The following C10orf105 variants were observed in gnomAD, a reference collection of about 807,000 sequenced individuals.
The protein encoded by C10orf105 is uncharacterized protein C10orf105.
In C10orf105, 2 loss-of-function variants were observed where a neutral mutation model predicts 0.6. The observed-to-expected ratio is 3.18, with a 90% confidence interval of 1.30 to 10.01. C10orf105 has a LOEUF of 10.01. Among genes scored for constraint, C10orf105 ranks in the 30% most tolerant of loss-of-function variants. The probability of loss-of-function intolerance (pLI) is 0.04; values close to 1 mark genes in which losing one functional copy is unlikely to be tolerated. For synonymous variants in C10orf105, 95 were observed against 82.4 expected (o/e 1.15, Z -0.83); for missense variants, 209 against 191.4 (o/e 1.09, Z -0.54).
upstream of C10orf105, chr10:71,724,219 T>G (rs7893748): frequency 4.5e-6 from 5 of 1,103,680 alleles, no homozygotes; most frequent in Non-Finnish European, 6.7e-6. Context: ...CAGGGCCATA[T>G]ACATGGGGCG....
In C10orf105 at chr10:71,734,592, C is replaced by T. The variant is rs373444592; in HGVS notation, c.-6+3136G>A. On this transcript the variant is annotated intron_variant, in intron 1 of 1. Coordinates refer to the C10orf105 transcript ENST00000398786. ...GAGTGGGGTCTGGAAGAGCCACAGA[C>T]GGCTAACCATTTGCATCTTTGCCTT... 5.5e-4 allele frequency: 883 copies of T among 1,594,520 alleles called. 4 individuals carry two copies. Among genetic ancestry groups the T allele is most frequent in the Middle Eastern group, 3.4e-3 (20 of 5,962 alleles).
At position 71,716,289 on chromosome 10, in the gene C10orf105, G is replaced by A; in HGVS notation, c.49C>T (p.Leu17Phe). The change falls in exon 2 of 2, where the codon CTC (leucine) becomes TTC (phenylalanine). Residue 17 changes from leucine to phenylalanine, a missense_variant. Physicochemically the swap from Leu to Phe is conservative, Grantham distance 22. Coordinates refer to ENST00000441508, the MANE Select transcript of C10orf105 (RefSeq NM_001164375.3). ...GTGACGGGAGCTGAGAGAAAGGCGA[G>A]GGGGCTGATGGCTGGGGAGCTGGCG... ...SLASSPAISP[L>F]AFLSAPVTPG... 1 of 1,522,374 alleles carries A rather than the reference G, an allele frequency of 6.6e-7. No homozygotes were observed. The highest frequency in any genetic ancestry group is 8.8e-7 in the Non-Finnish European group (1 of 1,130,358). The allele number at this position is 1,522,374 out of a possible 1,614,324, so 94.3% of individuals were successfully genotyped here.
At chr10:71,727,300 CCACTGCCTCA>C (rs1319594754) in intron 1 of C10orf105, among the ~76,000 whole-genome samples, 1 of 152,246 alleles carries the variant, frequency 6.6e-6, no homozygotes, top group African/African-American at 2.4e-5. Flanking sequence ...CCACTACACT[CCACTGCCTCA>C]CATAAGCCTC....
chr10:71,731,933 C>A, intron 1 of C10orf105: 1 of 1,556,666 alleles, frequency 6.4e-7, no homozygotes, highest in Non-Finnish European at 8.7e-7. Context: ...GAAGCCACAG[C>A]GCAGCCCCAC....
upstream of C10orf105, among the ~76,000 whole-genome samples, chr10:71,721,638 A>G (rs1866561598): frequency 6.6e-6 from 1 of 152,076 alleles, no homozygotes; most frequent in Admixed American, 6.5e-5. Flanking sequence ...CCTCCCCACC[A>G]TCAACATGCT....
chr10:71,716,254 G>T lies in C10orf105; in HGVS notation c.84C>A (p.Thr28=), dbSNP rs1394373901. Residue 28 remains threonine (T), a synonymous_variant, in exon 2 of 2, where the codon ACC becomes ACA. Transcript: ENST00000441508. ...GGAGGGGGTCAGTTGCCTCTGCAAG[G>T]GTCCCGGGAGTGACGGGAGCTGAGA... ...AFLSAPVTPG[T]LAEATDPLPM... 1 of 1,546,070 alleles carries T rather than the reference G, an allele frequency of 6.5e-7. No homozygotes were observed. Among genetic ancestry groups the T allele is most frequent in the Middle Eastern group, 1.7e-4 (1 of 5,838 alleles).
chr10:71,730,392 G>A (rs1301081413), intron 1 of C10orf105: 14 of 1,549,958 alleles, frequency 9.0e-6, no homozygotes, highest in Admixed American at 3.7e-5. Flanking sequence ...CACACAAGGC[G>A]GCCACAGTGG....
intron 1 of C10orf105, among the ~76,000 whole-genome samples, chr10:71,719,282 C>T (rs11812861): frequency 0.037 from 5,695 of 152,120 alleles, 385 homozygotes; most frequent in African/African-American, 0.13. Flanking sequence ...ATGCCTTGCC[C>T]GGACCAAGGC....
At chr10:71,732,154 G>C in intron 1 of C10orf105, 1 of 1,613,970 alleles carries the variant, frequency 6.2e-7, no homozygotes, top group Non-Finnish European at 8.5e-7. Context: ...CTTCAACCAG[G>C]GCTTCTGCAG....
chr10:71,723,969 G>A (rs1866688124), upstream of C10orf105: 2 of 1,509,074 alleles, frequency 1.3e-6, no homozygotes, highest in Admixed American at 3.9e-5. Flanking sequence ...TGAAGGGAAG[G>A]AAAGGAACTC....
In C10orf105 at chr10:71,734,777, G is replaced by A. The variant is rs1564765614; in HGVS notation, c.-6+2951C>T. 4 of 596,560 alleles carry A rather than the reference G, an allele frequency of 6.7e-6. No individual in the cohort carries two copies. In the East Asian group the frequency reaches 2.1e-4, roughly 32 times the overall value. 37.0% of individuals were successfully genotyped at this position (596,560 alleles called of 1,614,324 possible). ...AGAGAGAAGGCACGTGGACAGGCCT[G>A]CAGCAGGCCCCCTCCCAGTGCCTCC... is the stretch of plus-strand genomic sequence containing the variant. On this transcript the variant is annotated intron_variant, in intron 1 of 1. Coordinates refer to the C10orf105 transcript ENST00000398786.
chr10:71,734,667 C>A, intron 1 of C10orf105: 1 of 1,432,962 alleles, frequency 7.0e-7, no homozygotes, highest in Non-Finnish European at 9.4e-7. Context: ...AGGTGAGTAG[C>A]CTGTGGCTGG....
rs555696795 is a variant in C10orf105 at position 71,712,935 on chromosome 10, C to G, written c.*3001G>C. On this transcript the variant is annotated 3_prime_UTR_variant, in exon 2 of 2. Transcript: ENST00000441508. The stretch of plus-strand genomic sequence containing the variant: ...AGCAGGTGGGGGCCCAGGGTGGGTC[C>G]GCTGCTCTGGAAGGTGCTGTGGGGA... 5.0e-6 allele frequency: 6 copies of G among 1,200,614 alleles called. No homozygotes were observed. The Admixed American group carries it at 1.2e-4, about 24-fold the overall frequency. The allele number at this position is 1,200,614 out of a possible 1,614,324, so 74.4% of individuals were successfully genotyped here. A position where few individuals can be genotyped will look rare whatever the true frequency, so the allele number is the denominator to read the frequency against.
chr10:71,730,599 A>G, intron 1 of C10orf105: 1 of 1,613,742 alleles, frequency 6.2e-7, no homozygotes, highest in Non-Finnish European at 8.5e-7. Context: ...ACAGACCGAG[A>G]CTCTGGTGAG....
rs2132765955 is a variant in C10orf105 at position 71,714,633 on chromosome 10, G to A, written c.*1303C>T. 1 of 152,358 alleles carries A rather than the reference G, an allele frequency of 6.6e-6. No homozygotes were observed. Among genetic ancestry groups the A allele is most frequent in the East Asian group, 1.9e-4 (1 of 5,194 alleles). The allele number at this position is 152,358 out of a possible 1,614,324, so 9.4% of individuals were successfully genotyped here. A position where few individuals can be genotyped will look rare whatever the true frequency, so the allele number is the denominator to read the frequency against. On this transcript the variant is annotated 3_prime_UTR_variant, in exon 2 of 2. Transcript: ENST00000441508. ...GATGAGGCTAGAAAGATTAATTGGA[G>A]CCAGCTCCCAGAGGGCACTGCACAC...
At chr10:71,724,388 G>A (rs1334914068), upstream of C10orf105, among the ~76,000 whole-genome samples, 1 of 152,186 alleles carries the variant, frequency 6.6e-6, no homozygotes, top group Non-Finnish European at 1.5e-5. Context: ...TGCCTCCTGG[G>A]TTCAAGCGAT....
In C10orf105 at chr10:71,712,497, G is replaced by C; in HGVS notation, c.*3439C>G. 2 of 648,138 alleles carry C rather than the reference G, an allele frequency of 3.1e-6. No homozygotes were observed. The highest frequency in any genetic ancestry group is 5.4e-6 in the Non-Finnish European group (2 of 368,210). The allele number at this position is 648,138 out of a possible 1,614,324, so 40.1% of individuals were successfully genotyped here. On this transcript the variant is annotated 3_prime_UTR_variant, in exon 2 of 2. Coordinates refer to ENST00000441508, the MANE Select transcript of C10orf105 (RefSeq NM_001164375.3). ...TGGTGTTATCTAAGTATTTGATACT[G>C]TTAGTGTTATTCCTAAGCTAAAAAG...
upstream of C10orf105, among the ~76,000 whole-genome samples, chr10:71,721,310 G>A (rs117378351): frequency 1.1e-3 from 173 of 152,284 alleles, no homozygotes; most frequent in East Asian, 0.017. Flanking sequence ...GCACGGCAAG[G>A]GGCAATCCAG....
upstream of C10orf105, among the ~76,000 whole-genome samples, chr10:71,724,768 A>C (rs777339099): frequency 1.3e-5 from 2 of 152,206 alleles, no homozygotes; most frequent in Non-Finnish European, 2.9e-5. Flanking sequence ...TCCCTGAACC[A>C]ATCGCTATGG....
Sources: gnomAD v4.1 joint callset for allele counts (sites outside exome capture counted in the v4.1 genomes callset) on GRCh38, gnomAD v4.1.1 for gene constraint, MANE v1.5 for transcripts, NCBI Gene and HGNC (gene_info 2026-07-23, HGNC 2026-07-21) for gene names.